The following KDM4C variants were observed in gnomAD, a reference collection of about 807,000 sequenced individuals.
KDM4C encodes the protein lysine demethylase 4C.
A neutral mutation model predicts 129.3 loss-of-function variants in KDM4C; 81 were observed. The ratio of observed to expected loss-of-function variants is 0.63; its 90% CI spans 0.52 to 0.75. The LOEUF (loss-of-function observed/expected upper bound fraction) is 0.75, where lower values mean the gene tolerates loss of function less well. Among genes scored for constraint, KDM4C ranks in the 30% least tolerant of loss-of-function variants. KDM4C has a pLI of 0.00. For missense variants in KDM4C, 1,457 were observed against 1,304.0 expected, an observed-to-expected ratio of 1.12 and a Z score of -1.81; for synonymous variants, 573 against 456.1, an observed-to-expected ratio of 1.26 and a Z score of -3.26.
intron 12 of KDM4C, among the ~76,000 whole-genome samples, chr9:6,994,581 C>T (rs1586779884): frequency 6.6e-6 from 1 of 152,120 alleles, no homozygotes; most frequent in East Asian, 1.9e-4. Context: ...TGAACATTTC[C>T]CTGCAATCAT....
intron 17 of KDM4C, among the ~76,000 whole-genome samples, chr9:7,099,862 A>G (rs1402916869): frequency 1.3e-5 from 2 of 152,142 alleles, no homozygotes; most frequent in East Asian, 1.9e-4. Flanking sequence ...CCCTCCCTGC[A>G]GAACATACAC....
intron 8 of KDM4C, among the ~76,000 whole-genome samples, chr9:6,912,887 ACTATTT>A (rs1326018875): frequency 1.3e-5 from 2 of 152,018 alleles, no homozygotes; most frequent in Non-Finnish European, 2.9e-5. Flanking sequence ...ATTTTTTTTC[ACTATTT>A]CTATTGTTGA....
intron 5 of KDM4C, among the ~76,000 whole-genome samples, chr9:6,861,864 C>G (rs1840995656): frequency 6.6e-6 from 1 of 150,852 alleles, no homozygotes; most frequent in East Asian, 1.9e-4. Flanking sequence ...TGCTGCCTCC[C>G]AGGTCCAAGC....
intron 15 of KDM4C, among the ~76,000 whole-genome samples, chr9:7,030,356 T>C (rs986294290): frequency 1.3e-5 from 2 of 152,186 alleles, no homozygotes; most frequent in Non-Finnish European, 2.9e-5. Context: ...CATTCATCTA[T>C]GAAAATGCTG....
intron 8 of KDM4C, among the ~76,000 whole-genome samples, chr9:6,937,897 C>A (rs62533823): frequency 2.0e-5 from 3 of 151,682 alleles, no homozygotes; most frequent in Non-Finnish European, 4.4e-5. Context: ...TTTTTGGTAG[C>A]GATGGGGATT....
chr9:6,934,013 C>T (rs1824244706), intron 8 of KDM4C, among the ~76,000 whole-genome samples: 1 of 151,986 alleles, frequency 6.6e-6, no homozygotes, highest in Non-Finnish European at 1.5e-5. Flanking sequence ...CCAAGCCTGG[C>T]TAATTTTTGT....
chr9:7,087,888 A>G (rs181240337), intron 17 of KDM4C, among the ~76,000 whole-genome samples: 2 of 152,320 alleles, frequency 1.3e-5, no homozygotes, highest in East Asian at 3.9e-4. Flanking sequence ...ATTGTGTGAG[A>G]GGGCACGTAG....
At chr9:6,911,761 G>C (rs1441924861) in intron 8 of KDM4C, among the ~76,000 whole-genome samples, 1 of 152,186 alleles carries the variant, frequency 6.6e-6, no homozygotes, top group African/African-American at 2.4e-5. Flanking sequence ...GGACATGTTT[G>C]TGAACGTGTG....
intron 5 of KDM4C, among the ~76,000 whole-genome samples, chr9:6,863,657 G>A (rs550460820): frequency 2.0e-5 from 3 of 152,074 alleles, no homozygotes; most frequent in South Asian, 4.2e-4. Context: ...TTAGCCAGGC[G>A]TGGTGGCGGG....
At chr9:7,089,930 C>G (rs992380645) in intron 17 of KDM4C, among the ~76,000 whole-genome samples, 3 of 152,380 alleles carry the variant, frequency 2.0e-5, no homozygotes, top group African/African-American at 4.8e-5. Context: ...CATTCCTAAG[C>G]TTGAACTGTG....
chr9:7,062,923 T>G (rs948536654), intron 17 of KDM4C, among the ~76,000 whole-genome samples: 2 of 152,174 alleles, frequency 1.3e-5, no homozygotes, highest in African/African-American at 4.8e-5. Flanking sequence ...ATTTTTCCCT[T>G]ATTTTAGGAG....
intron 17 of KDM4C, among the ~76,000 whole-genome samples, chr9:7,057,137 G>A (rs929316147): frequency 2.0e-5 from 3 of 152,168 alleles, no homozygotes; most frequent in Non-Finnish European, 2.9e-5. Flanking sequence ...TATAAATTAG[G>A]TTATTCATTT....
Position 7,076,356 on chromosome 9 carries a change from T to C in KDM4C, c.2424+27156T>C, listed in dbSNP as rs1026434968. The C allele has an allele frequency of 4.0e-6, 4 of 1,007,432 alleles. No individual in the cohort carries two copies. In the African/African-American group the frequency reaches 4.8e-5, roughly 12 times the overall value. The allele number at this position is 1,007,432 out of a possible 1,614,324, so 62.4% of individuals were successfully genotyped here. ...GGGATTAAATTAGTTTGTCTCATGC[T>C]AAAGCCCATGCTATTTTCACTATAA... On this transcript the variant is annotated intron_variant, in intron 17 of 21. Transcript: ENST00000381309.
At chr9:6,756,724 AGT>A (rs1359426648), upstream of KDM4C, among the ~76,000 whole-genome samples, 4 of 152,302 alleles carry the variant, frequency 2.6e-5, no homozygotes, top group African/African-American at 4.8e-5. Flanking sequence ...CTCAAAAAAG[AGT>A]GTGTCTGTGT....
At chr9:7,082,330 T>G (rs1834621627) in intron 17 of KDM4C, among the ~76,000 whole-genome samples, 1 of 152,162 alleles carries the variant, frequency 6.6e-6, no homozygotes, top group South Asian at 2.1e-4. Context: ...TTTCAGAATC[T>G]TTAGCAAGTG....
intron 8 of KDM4C, among the ~76,000 whole-genome samples, chr9:6,940,030 C>CTTCCTTCT (rs1825630270): frequency 7.5e-6 from 1 of 133,510 alleles, no homozygotes; most frequent in African/African-American, 3.0e-5. Context: ...TCCTTCCTTC[C>CTTCCTTCT]TTCTTTCCTT....
chr9:6,749,016 A>T (rs1387184859), intron 1 of KDM4C: 2 of 687,398 alleles, frequency 2.9e-6, no homozygotes, highest in Non-Finnish European at 2.7e-6. Flanking sequence ...TTGCAAGCTT[A>T]TTATTATTAT....
chr9:7,068,986 C>T (rs758452992), intron 17 of KDM4C, among the ~76,000 whole-genome samples: 3 of 152,028 alleles, frequency 2.0e-5, no homozygotes, highest in South Asian at 2.1e-4. Flanking sequence ...CGTGAGCCAC[C>T]GCGCCTGGCC....
At chr9:6,821,349 C>T (rs1255497023) in intron 4 of KDM4C, among the ~76,000 whole-genome samples, 7 of 152,106 alleles carry the variant, frequency 4.6e-5, no homozygotes, top group Non-Finnish European at 8.8e-5. Flanking sequence ...AGTGTAAAAG[C>T]GTTCCTATTT....
Sources: allele counts gnomAD v4.1 joint callset (sites outside exome capture counted in the v4.1 genomes callset), GRCh38; gene constraint gnomAD v4.1.1; transcripts MANE v1.5; gene names NCBI Gene and HGNC (gene_info 2026-07-23, HGNC 2026-07-21).